TFDP2: variants seen among roughly 807,000 people sequenced by gnomAD.
TFDP2 encodes transcription factor Dp-2 (E2F dimerization partner 2).
A neutral mutation model predicts 59.3 loss-of-function variants in TFDP2; 17 were observed. The ratio of observed to expected loss-of-function variants is 0.29; its 90% CI spans 0.20 to 0.43. The LOEUF (loss-of-function observed/expected upper bound fraction) is 0.43, where lower values mean the gene tolerates loss of function less well. TFDP2 is among the 20% of genes least tolerant of loss of function. The probability of loss-of-function intolerance (pLI) is 1.00; values close to 1 mark genes in which losing one functional copy is unlikely to be tolerated. For missense variants in TFDP2, 391 were observed against 528.8 expected (o/e 0.74, Z 2.56); for synonymous variants, 180 against 194.7 (o/e 0.92, Z 0.63).
At chr3:142,090,491 C>G (rs1347298811) in intron 3 of TFDP2, among the ~76,000 whole-genome samples, 1 of 152,016 alleles carries the variant, frequency 6.6e-6, no homozygotes, top group African/African-American at 2.4e-5. Context: ...CAAAGACAAT[C>G]TTTCTCACCT....
intron 1 of TFDP2, among the ~76,000 whole-genome samples, chr3:142,147,403 G>T (rs1159265672): frequency 6.6e-6 from 1 of 152,158 alleles, no homozygotes; most frequent in Admixed American, 6.5e-5. Context: ...ATGATGACAA[G>T]GAAGTACATC....
intron 3 of TFDP2, among the ~76,000 whole-genome samples, chr3:142,058,004 C>A (rs533862690): frequency 2.0e-5 from 3 of 152,146 alleles, no homozygotes; most frequent in African/African-American, 7.2e-5. Context: ...CTCCTTATGG[C>A]CTATAAAATA....
Position 142,023,277 on chromosome 3 carries a change from C to T in TFDP2, c.83-17733G>A, listed in dbSNP as rs538892670. Among the ~76,000 whole-genome samples the T allele has an allele frequency of 3.3e-5, 5 of 151,172 alleles. No individual in the cohort carries two copies. In the South Asian group the frequency reaches 8.4e-4, roughly 25 times the overall value. On this transcript the variant is annotated intron_variant, in intron 3 of 12. Transcript: ENST00000489671. ...TCAGCTCACCGTAACCTCCGCCTCCCGCGTTCAAGTGAATCTCCTGTCTCA... is the reference window on the plus strand; with the variant it reads ...TCAGCTCACCGTAACCTCCGCCTCCTGCGTTCAAGTGAATCTCCTGTCTCA...
intron 3 of TFDP2, among the ~76,000 whole-genome samples, chr3:142,072,088 T>C (rs1019241574): frequency 1.8e-4 from 28 of 151,900 alleles, no homozygotes; most frequent in Admixed American, 1.0e-3. Context: ...ACAAAGGAAA[T>C]CTAATAGAGT....
At position 141,959,763 on chromosome 3, in the gene TFDP2, G is replaced by C; in HGVS notation, c.962C>G (p.Ser321Trp). Residue 321 changes from serine (S) to tryptophan (W), a missense_variant, in exon 11 of 13, where the codon TCG (serine) becomes TGG (tryptophan). Ser to Trp is a radical substitution (Grantham distance 177). Coordinates refer to ENST00000489671, the MANE Select transcript of TFDP2 (RefSeq NM_001178139.2). The stretch of plus-strand genomic sequence containing the variant: ...GCATTTGCCTGACTCCAGGCCAAAC[G>C]ACATTCCCATCCGCTTTAGTACTTC... Reference protein sequence around the residue: ...DIEVLKRMGMSFGLESGKCSL... With the variant: ...DIEVLKRMGMWFGLESGKCSL... 6.2e-7 allele frequency: 1 copy of C among 1,614,110 alleles called. No homozygotes were observed. The highest frequency in any genetic ancestry group is 8.5e-7 in the Non-Finnish European group (1 of 1,180,004).
intron 1 of TFDP2, among the ~76,000 whole-genome samples, chr3:142,140,147 C>T (rs2062890291): frequency 6.6e-6 from 1 of 152,192 alleles, no homozygotes; most frequent in African/African-American, 2.4e-5. Flanking sequence ...CTTTCTTCCA[C>T]TTGATCAAAT....
intron 3 of TFDP2, among the ~76,000 whole-genome samples, chr3:142,071,210 G>A (rs1287171911): frequency 6.6e-6 from 1 of 151,756 alleles, no homozygotes; most frequent in African/African-American, 2.4e-5. Context: ...AGGCTGAAGT[G>A]CAGTGGCTGA....
chr3:142,011,514 G>A (rs1163000437), intron 3 of TFDP2, among the ~76,000 whole-genome samples: 3 of 129,650 alleles, frequency 2.3e-5, no homozygotes, highest in African/African-American at 2.9e-5. Context: ...TGGGTGCAGC[G>A]CACCAGCATG....
intron 3 of TFDP2, among the ~76,000 whole-genome samples, chr3:142,071,070 G>C (rs2060231016): frequency 6.6e-6 from 1 of 152,070 alleles, no homozygotes; most frequent in Non-Finnish European, 1.5e-5. Flanking sequence ...AGAGAAAAGA[G>C]AACAGGGAAC....
At chr3:142,036,986 G>C (rs946867386) in intron 3 of TFDP2, among the ~76,000 whole-genome samples, 1 of 152,110 alleles carries the variant, frequency 6.6e-6, no homozygotes, top group Admixed American at 6.6e-5. Flanking sequence ...GTCTGAACTC[G>C]TTATAAGACT....
At chr3:141,976,703 A>G (rs1940689303) in intron 7 of TFDP2, among the ~76,000 whole-genome samples, 1 of 152,084 alleles carries the variant, frequency 6.6e-6, no homozygotes, top group South Asian at 2.1e-4. Context: ...TTAGTGAGGT[A>G]ATGGTGGGCA....
chr3:142,081,728 G>A (rs2060644550), intron 3 of TFDP2, among the ~76,000 whole-genome samples: 1 of 152,148 alleles, frequency 6.6e-6, no homozygotes, highest in Admixed American at 6.6e-5. Context: ...GGAAAACCTA[G>A]AAGAAATGGA....
Position 141,995,119 on chromosome 3 carries a change from A to C in TFDP2, c.209T>G (p.Leu70Arg). 6.2e-7 allele frequency: 1 copy of C among 1,608,494 alleles called. No homozygotes were observed. The change falls in exon 5 of 13, where the codon CTA becomes CGA. Residue 70 changes from leucine (L) to arginine (R), a missense_variant. Around this residue, in one of 3 missense-constraint regions of TFDP2, gnomAD observed 162 missense variants for 206.8 expected, o/e 0.78. Transcript: ENST00000489671. ...AATCAGAACACTTCCTGAACTGGTT[A>C]GTCTCTGTGGTGTGCTTATAATCTG... ...PQMIISTPQR[L>R]TSSGSVLIGS...
intron 7 of TFDP2, 106 bp downstream of exon 7, chr3:141,978,414 G>T: frequency 8.7e-7 from 1 of 1,150,018 alleles, no homozygotes; most frequent in Non-Finnish European, 1.2e-6. Context: ...CAAAATAAAG[G>T]ATAAAACCCT....
chr3:141,946,276 C>A lies in TFDP2; in HGVS notation c.*6237G>T, dbSNP rs1422550631. 3.3e-5 allele frequency: 5 copies of A among 152,212 alleles called. No homozygotes were observed. Among genetic ancestry groups the A allele is most frequent in the Admixed American group, 2.6e-4 (4 of 15,272 alleles). The allele number at this position is 152,212 out of a possible 1,614,324, so 9.4% of individuals were successfully genotyped here. A position where few individuals can be genotyped will look rare whatever the true frequency, so the allele number is the denominator to read the frequency against. On this transcript the variant is annotated 3_prime_UTR_variant, in exon 13 of 13. Coordinates refer to ENST00000489671, the MANE Select transcript of TFDP2 (RefSeq NM_001178139.2). ...GATCCTGAGACCTGCGGCGAAGGGG[C>A]GAGGCCTGACCCTGAGCATCAGCTA...
intron 1 of TFDP2, among the ~76,000 whole-genome samples, chr3:142,146,073 A>C (rs2108761321): frequency 6.6e-6 from 1 of 152,326 alleles, no homozygotes; most frequent in Admixed American, 6.5e-5. Context: ...TTAGTGAAAA[A>C]TTTGCATGAA....
chr3:142,050,272 A>T lies in TFDP2; in HGVS notation c.82+42789T>A, dbSNP rs377278269. On this transcript the variant is annotated intron_variant, in intron 3 of 12. Coordinates refer to ENST00000489671, the MANE Select transcript of TFDP2 (RefSeq NM_001178139.2). ...GAGCAAGACTTCATCTCAAAAAAAAAAAAATAATAAAAAAAAAAGATCCTT... is the reference window on the plus strand; with the variant it reads ...GAGCAAGACTTCATCTCAAAAAAAATAAAATAATAAAAAAAAAAGATCCTT... Among the ~76,000 whole-genome samples the T allele has an allele frequency of 2.6e-3, 388 of 151,152 alleles. 4 individuals are homozygous for T. The South Asian group carries it at 0.037, about 14-fold the overall frequency.
At chr3:142,048,909 C>T (rs746725080) in intron 3 of TFDP2, among the ~76,000 whole-genome samples, 1 of 152,178 alleles carries the variant, frequency 6.6e-6, no homozygotes, top group Non-Finnish European at 1.5e-5. Context: ...GGGAAATTAA[C>T]TGCTCTGAGT....
intron 7 of TFDP2, among the ~76,000 whole-genome samples, chr3:141,975,064 T>A (rs146356046): frequency 0.01 from 1,538 of 151,904 alleles, 13 homozygotes; most frequent in Non-Finnish European, 0.016. Flanking sequence ...TAGATGCACA[T>A]CACCACGCCC....
Sources: allele counts gnomAD v4.1 joint callset (sites outside exome capture counted in the v4.1 genomes callset), GRCh38; gene constraint gnomAD v4.1.1; regional missense constraint gnomAD v4.1.1; transcripts MANE v1.5; gene names NCBI Gene and HGNC (gene_info 2026-07-23, HGNC 2026-07-21).